The following BTBD9 variants were observed in gnomAD, a reference collection of about 807,000 sequenced individuals.
The protein encoded by BTBD9 is BTB/POZ domain-containing protein 9.
In BTBD9, 49 loss-of-function variants were observed where a neutral mutation model predicts 64.3. The observed-to-expected ratio is 0.76, with a 90% CI of 0.61 to 0.97. BTBD9 has a LOEUF of 0.97. BTBD9 is among the 50% of genes least tolerant of loss of function. The probability of loss-of-function intolerance (pLI) is 0.00; values close to 1 mark genes in which losing one functional copy is unlikely to be tolerated. For missense variants in BTBD9, 598 were observed against 762.1 expected, an observed-to-expected ratio of 0.78 and a Z score of 2.53; for synonymous variants, 260 against 274.7, an observed-to-expected ratio of 0.95 and a Z score of 0.53.
rs945730055 is a variant in BTBD9 at position 38,174,970 on chromosome 6, G to A, written c.*15C>T. On this transcript the variant is annotated 3_prime_UTR_variant, in exon 11 of 11. Transcript: ENST00000481247. ...TGCCCGAGCCCACCAAGTCACACCA[G>A]GCCCGCTGCCTCCTTTATTGGTGCT... is the stretch of plus-strand genomic sequence containing the variant. The A allele has an allele frequency of 6.2e-7, 1 of 1,613,242 alleles. No individual in the cohort carries two copies. The highest frequency in any genetic ancestry group is 1.1e-5 in the South Asian group (1 of 91,066).
At chr6:38,320,726 G>A (rs1386079054) in intron 7 of BTBD9, among the ~76,000 whole-genome samples, 1 of 152,142 alleles carries the variant, frequency 6.6e-6, no homozygotes, top group Non-Finnish European at 1.5e-5. Flanking sequence ...AAAGAATTTT[G>A]AGAGTTTCAG....
At chr6:38,365,916 T>C (rs1003550315) in intron 6 of BTBD9, among the ~76,000 whole-genome samples, 1 of 152,218 alleles carries the variant, frequency 6.6e-6, no homozygotes, top group African/African-American at 2.4e-5. Context: ...GCTCACAAAG[T>C]AGACAACTGC....
chr6:38,180,209 C>A (rs979428324), intron 10 of BTBD9, among the ~76,000 whole-genome samples: 1 of 152,166 alleles, frequency 6.6e-6, no homozygotes, highest in Non-Finnish European at 1.5e-5. Context: ...TTCGGGGGGG[C>A]CTGTGGGTGG....
intron 5 of BTBD9, among the ~76,000 whole-genome samples, chr6:38,578,314 C>T (rs540645573): frequency 1.3e-5 from 2 of 152,258 alleles, no homozygotes; most frequent in Non-Finnish European, 2.9e-5. Flanking sequence ...ATGCGTGTTT[C>T]GTACAACTTA....
chr6:38,189,543 T>G (rs941788121), intron 10 of BTBD9, among the ~76,000 whole-genome samples: 8 of 152,144 alleles, frequency 5.3e-5, no homozygotes, highest in African/African-American at 1.9e-4. Flanking sequence ...AGGGCTGGAG[T>G]GCAGTGGCAT....
At chr6:38,230,818 CA>C (rs1763581421) in intron 9 of BTBD9, among the ~76,000 whole-genome samples, 2 of 152,184 alleles carry the variant, frequency 1.3e-5, no homozygotes, top group South Asian at 4.1e-4. Context: ...TATTTCAGTT[CA>C]AATGTCACTT....
intron 6 of BTBD9, among the ~76,000 whole-genome samples, chr6:38,347,682 T>C (rs1357964824): frequency 1.3e-5 from 2 of 152,194 alleles, no homozygotes; most frequent in Non-Finnish European, 2.9e-5. Flanking sequence ...CATCAATGAC[T>C]GGTAGGAGCA....
In BTBD9 at chr6:38,554,242, T is replaced by C. The variant is rs990091709; in HGVS notation, c.1154+23358A>G. ...AATCTCACAACTATTAAGAGATTCA[T>C]GATGTGCCTGTCACACAGATGCTAT... On this transcript the variant is annotated intron_variant, in intron 6 of 10. Coordinates refer to ENST00000481247, the MANE Select transcript of BTBD9 (RefSeq NM_001099272.2). Among the ~76,000 whole-genome samples the C allele has an allele frequency of 2.4e-4, 37 of 152,204 alleles. 1 individual carries two copies. Among genetic ancestry groups the C allele is most frequent in the Admixed American group, 2.0e-3 (31 of 15,278 alleles).
At chr6:38,544,469 ATAGAG>A (rs998625178) in intron 6 of BTBD9, among the ~76,000 whole-genome samples, 5 of 152,232 alleles carry the variant, frequency 3.3e-5, no homozygotes, top group South Asian at 2.1e-4. Context: ...ACAATTTTAA[ATAGAG>A]TAGTCAGGAA....
At chr6:38,535,376 A>G (rs191310480) in intron 6 of BTBD9, among the ~76,000 whole-genome samples, 67 of 152,310 alleles carry the variant, frequency 4.4e-4, no homozygotes, top group Admixed American at 1.8e-3. Flanking sequence ...AAATGGAAAG[A>G]TATTTCATGT....
chr6:38,600,282 G>A (rs2127499531), intron 1 of BTBD9, among the ~76,000 whole-genome samples: 1 of 152,276 alleles, frequency 6.6e-6, no homozygotes, highest in South Asian at 2.1e-4. Flanking sequence ...AATAAACATG[G>A]CTATCTCCAG....
intron 8 of BTBD9, among the ~76,000 whole-genome samples, chr6:38,276,571 A>G (rs1761266634): frequency 6.6e-6 from 1 of 152,164 alleles, no homozygotes; most frequent in Non-Finnish European, 1.5e-5. Context: ...TCTTCTCCCA[A>G]GATTTAAAAT....
intron 1 of BTBD9, among the ~76,000 whole-genome samples, chr6:38,634,968 T>C (rs916343952): frequency 6.6e-6 from 1 of 152,286 alleles, no homozygotes; most frequent in African/African-American, 2.4e-5. Context: ...AACCACTTTG[T>C]TAGTGCTGGT....
chr6:38,282,198 A>G (rs1001453375), intron 8 of BTBD9, among the ~76,000 whole-genome samples: 2 of 152,168 alleles, frequency 1.3e-5, no homozygotes, highest in Non-Finnish European at 2.9e-5. Context: ...TTAAATTTTA[A>G]TGTTTTTAAA....
rs1400335858 is a variant in BTBD9, at chr6:38,586,011, T to C, written c.815-5574A>G. Among the ~76,000 whole-genome samples, 5 of 150,882 alleles carry C rather than the reference T, an allele frequency of 3.3e-5. No individual in the cohort carries two copies. In the East Asian group the frequency reaches 7.8e-4, roughly 23 times the overall value. ...TTATGTGTTAACCAATAATGTAACT[T>C]AGCAGTCCTATGAACAGATTGACTT... On this transcript the variant is annotated intron_variant, in intron 4 of 10. Transcript: ENST00000481247.
intron 8 of BTBD9, among the ~76,000 whole-genome samples, chr6:38,273,634 A>G (rs1274933315): frequency 6.6e-6 from 1 of 152,238 alleles, no homozygotes; most frequent in Non-Finnish European, 1.5e-5. Flanking sequence ...GGATGACCAT[A>G]CCAGAGAATC....
At chr6:38,604,425 A>T (rs1777356005) in intron 1 of BTBD9, among the ~76,000 whole-genome samples, 1 of 152,238 alleles carries the variant, frequency 6.6e-6, no homozygotes, top group Non-Finnish European at 1.5e-5. Context: ...GCCAATGAAC[A>T]AACTAGTTTC....
chr6:38,284,479 C>T (rs1027595740), intron 8 of BTBD9, among the ~76,000 whole-genome samples: 3 of 152,190 alleles, frequency 2.0e-5, no homozygotes, highest in East Asian at 3.9e-4. Context: ...CTGTTTGTTT[C>T]TCTGAGTTGT....
chr6:38,469,356 T>C (rs1273179593), intron 6 of BTBD9, among the ~76,000 whole-genome samples: 2 of 149,078 alleles, frequency 1.3e-5, no homozygotes, highest in Non-Finnish European at 1.5e-5. Context: ...TCTCGCTCTG[T>C]CGCCCAGGCT....
Sources: allele counts gnomAD v4.1 joint callset (sites outside exome capture counted in the v4.1 genomes callset), GRCh38; gene constraint gnomAD v4.1.1; transcripts MANE v1.5; gene names NCBI Gene and HGNC (gene_info 2026-07-23, HGNC 2026-07-21).